GTF3C2: variants seen among roughly 807,000 people sequenced by gnomAD.
GTF3C2 encodes general transcription factor IIIC subunit 2, also known as general transcription factor 3C polypeptide 2.
A neutral mutation model predicts 117.4 loss-of-function variants in GTF3C2; 17 were observed. The ratio of observed to expected loss-of-function variants is 0.14; its 90% CI spans 0.10 to 0.22. The LOEUF (loss-of-function observed/expected upper bound fraction) is 0.22. Among genes scored for constraint, GTF3C2 ranks in the 10% least tolerant of loss-of-function variants. The pLI is 1.00. For synonymous variants in GTF3C2, 437 were observed against 427.0 expected, an observed-to-expected ratio of 1.02 and a Z score of -0.29; for missense variants, 888 against 1,143.6, an observed-to-expected ratio of 0.78 and a Z score of 3.22.
rs367618687 is a variant in GTF3C2 at position 27,337,599 on chromosome 2, T to C, written c.951-41A>G. 109 of 1,316,448 alleles carry C rather than the reference T, an allele frequency of 8.3e-5. No individual in the cohort carries two copies. In the African/African-American group the frequency reaches 1.4e-3, roughly 17 times the overall value. 81.5% of individuals were successfully genotyped at this position (1,316,448 alleles called of 1,614,324 possible). A position where few individuals can be genotyped will look rare whatever the true frequency, so the allele number is the denominator to read the frequency against. On this transcript the variant is annotated intron_variant, in intron 5 of 18. Coordinates refer to ENST00000264720, the Ensembl canonical transcript of GTF3C2. ...AAGCATTAATGAAGGAGAGGGATTC[T>C]ACAGCCGCACAGTCCAATAAAACTT...
At chr2:27,353,221 C>T (rs951561292) in intron 1 of GTF3C2, among the ~76,000 whole-genome samples, 1 of 151,944 alleles carries the variant, frequency 6.6e-6, no homozygotes, top group African/African-American at 2.4e-5. Context: ...GGTGAAACCT[C>T]GTTTCTACTA....
intron 9 of GTF3C2, 73 bp downstream of exon 9, chr2:27,335,844 C>A: frequency 8.6e-7 from 1 of 1,168,780 alleles, no homozygotes; most frequent in South Asian, 1.3e-5. Context: ...GTTCCTTCAA[C>A]TCTAAGAATT....
chr2:27,330,461 CA>C (rs918141311), intron 12 of GTF3C2, among the ~76,000 whole-genome samples: 3 of 142,054 alleles, frequency 2.1e-5, no homozygotes, highest in Non-Finnish European at 1.5e-5. Context: ...GACTCCACCT[CA>C]AAAAAAAAGA....
At chr2:27,336,174 T>C (rs371954504) in intron 8 of GTF3C2, 24 bp downstream of exon 8, 105 of 1,564,020 alleles carry the variant, frequency 6.7e-5, no homozygotes, top group Non-Finnish European at 8.9e-5. Flanking sequence ...CACCCTCCCA[T>C]GGCAGTGTCC....
intron 4 of GTF3C2, 67 bp downstream of exon 4, chr2:27,341,881 T>G: frequency 7.4e-7 from 1 of 1,351,940 alleles, no homozygotes; most frequent in Non-Finnish European, 1.0e-6. Flanking sequence ...CCTTCCTTTC[T>G]CAGTACCTTG....
exon 9 of GTF3C2, chr2:27,335,928 T>G: frequency 6.2e-7 from 1 of 1,601,702 alleles, no homozygotes; most frequent in Middle Eastern, 1.7e-4. Flanking sequence ...TTCCGAGGGG[T>G]GCCTGGAAGT....
intron 1 of GTF3C2, among the ~76,000 whole-genome samples, chr2:27,350,035 A>C (rs1321320003): frequency 6.6e-6 from 1 of 152,248 alleles, no homozygotes; most frequent in Non-Finnish European, 1.5e-5. Context: ...ATCAAAAGAT[A>C]CAAAGCAAAA....
exon 19 of GTF3C2, chr2:27,326,692 G>A (rs1272170762): frequency 8.7e-6 from 14 of 1,613,814 alleles, no homozygotes; most frequent in African/African-American, 1.3e-5. Flanking sequence ...GTGGGCAGAA[G>A]GCGATGGCTG....
intron 3 of GTF3C2, 36 bp from the exon 4 acceptor site, chr2:27,342,269 T>A (rs1051899473): frequency 2.8e-5 from 43 of 1,556,226 alleles, no homozygotes; most frequent in Non-Finnish European, 3.5e-5. Flanking sequence ...CATTCTCACA[T>A]ATGACTGAGA....
In GTF3C2 at chr2:27,335,780, T is replaced by C. The variant is rs942151216; in HGVS notation, c.1468-74A>G. Reference sequence around the variant, plus strand: ...AGAAAACCTTTGAGGTTCTAGTCCCTGAAATACTGTATGAAGTTGCTGGAA... The same window carrying C: ...AGAAAACCTTTGAGGTTCTAGTCCCCGAAATACTGTATGAAGTTGCTGGAA... On this transcript the variant is annotated intron_variant, in intron 9 of 18. Transcript: ENST00000264720. 5.3e-6 allele frequency: 6 copies of C among 1,129,080 alleles called. No homozygotes were observed. The African/African-American group carries it at 9.3e-5, about 17-fold the overall frequency. 69.9% of individuals were successfully genotyped at this position (1,129,080 alleles called of 1,614,324 possible).
At chr2:27,345,606 G>C (rs1282644427) in intron 1 of GTF3C2, among the ~76,000 whole-genome samples, 1 of 151,964 alleles carries the variant, frequency 6.6e-6, no homozygotes, top group Non-Finnish European at 1.5e-5. Context: ...AAAAAAGAAT[G>C]AGTCAAAGAG....
intron 4 of GTF3C2, chr2:27,341,626 G>A: frequency 4.1e-6 from 1 of 243,794 alleles, no homozygotes; most frequent in South Asian, 9.7e-5. Context: ...TCCTTTATAT[G>A]CCTAAATCAT....
chr2:27,344,223 C>T (rs911911924), intron 1 of GTF3C2, among the ~76,000 whole-genome samples: 2 of 151,992 alleles, frequency 1.3e-5, no homozygotes, highest in Non-Finnish European at 2.9e-5. Flanking sequence ...GAGGTTTCAC[C>T]ATGTGGGCCA....
At chr2:27,333,608 A>C in intron 12 of GTF3C2, 47 bp downstream of exon 12, 1 of 1,371,676 alleles carries the variant, frequency 7.3e-7, no homozygotes, top group Non-Finnish European at 1.0e-6. Context: ...CATATATAAA[A>C]AATTTAAAGA....
At chr2:27,328,487 C>T in exon 16 of GTF3C2, 2 of 1,613,876 alleles carry the variant, frequency 1.2e-6, no homozygotes, top group Non-Finnish European at 1.7e-6. Flanking sequence ...CTCTACAGGT[C>T]GCTTGACATT....
chr2:27,327,544 GA>G (rs1680126423), intron 17 of GTF3C2, among the ~76,000 whole-genome samples: 1 of 150,316 alleles, frequency 6.7e-6, no homozygotes, highest in Non-Finnish European at 1.5e-5. Flanking sequence ...GGCTGGTCTT[GA>G]ACTCCTGACC....
Position 27,353,360 on chromosome 2 carries a change from C to T in GTF3C2, c.-25+3379G>A, listed in dbSNP as rs28582307. Among the ~76,000 whole-genome samples, 470 of 144,094 alleles carry T rather than the reference C, an allele frequency of 3.3e-3. 1 individual carries two copies. Among genetic ancestry groups the T allele is most frequent in the African/African-American group, 0.011 (422 of 38,502 alleles). The allele number at this position is 144,094 out of a possible 152,430, so 94.5% of individuals were successfully genotyped here. On this transcript the variant is annotated intron_variant, in intron 1 of 18. Transcript: ENST00000264720. Reference sequence around the variant, plus strand: ...ATTGCACCACTGCACTCCAGCCTGGCGACAGAGCTAGACTCCGTCTCAAAA... The same window carrying T: ...ATTGCACCACTGCACTCCAGCCTGGTGACAGAGCTAGACTCCGTCTCAAAA...
At chr2:27,356,476 C>T (rs1421933431) in intron 1 of GTF3C2, 1 of 238,082 alleles carries the variant, frequency 4.2e-6, no homozygotes, top group East Asian at 8.5e-5. Context: ...CGCCCGGACA[C>T]AGGCTTCCGC....
At chr2:27,336,149 C>A in intron 8 of GTF3C2, 49 bp downstream of exon 8, 1 of 1,477,174 alleles carries the variant, frequency 6.8e-7, no homozygotes. Context: ...CAGACCCCAT[C>A]CTGCTGTCCT....
Sources: gnomAD v4.1 joint callset for allele counts (sites outside exome capture counted in the v4.1 genomes callset) on GRCh38, gnomAD v4.1.1 for gene constraint, MANE v1.5 for transcripts, NCBI Gene and HGNC (gene_info 2026-07-23, HGNC 2026-07-21) for gene names.